The following SPINDOC variants were observed in gnomAD, a reference collection of about 807,000 sequenced individuals.
The protein encoded by SPINDOC is spindlin interactor and repressor of chromatin-binding protein.
In SPINDOC, 13 loss-of-function variants were observed where a neutral mutation model predicts 30.7. The observed-to-expected ratio is 0.42, with a 90% confidence interval of 0.28 to 0.67. SPINDOC has a LOEUF of 0.67. Ranked by LOEUF, SPINDOC falls within the 30% of genes least tolerant of loss-of-function variation. The pLI, the probability that SPINDOC is intolerant of heterozygous loss-of-function variation, is 0.22. For synonymous variants in SPINDOC, 228 were observed against 211.4 expected, an observed-to-expected ratio of 1.08 and a Z score of -0.68; for missense variants, 438 against 518.0, an observed-to-expected ratio of 0.85 and a Z score of 1.50.
At chr11:63,819,090 C>A (rs1485809998) in intron 5 of SPINDOC, 88 bp downstream of exon 5, 5 of 349,750 alleles carry the variant, frequency 1.4e-5, no homozygotes, top group Non-Finnish European at 2.7e-5. Context: ...TATGGCAGAG[C>A]CCACAGTAGG....
chr11:63,815,510 C>G (rs2015315110), intron 1 of SPINDOC, among the ~76,000 whole-genome samples: 1 of 152,178 alleles, frequency 6.6e-6, no homozygotes, highest in African/African-American at 2.4e-5. Context: ...GTCAACTAAG[C>G]AGTCAGATAC....
intron 1 of SPINDOC, among the ~76,000 whole-genome samples, chr11:63,816,723 C>T (rs2015350049): frequency 6.6e-6 from 1 of 152,170 alleles, no homozygotes; most frequent in Non-Finnish European, 1.5e-5. Flanking sequence ...CTAAGGCTGC[C>T]TTCTTTGCTG....
chr11:63,819,688 G>C (rs1407724563), intron 5 of SPINDOC, among the ~76,000 whole-genome samples: 2 of 152,078 alleles, frequency 1.3e-5, no homozygotes, highest in East Asian at 1.9e-4. Context: ...GTAGAGACAG[G>C]GTTTCGCCAT....
rs1371917410 is a variant in SPINDOC, at chr11:63,813,605, A to T, written c.-82A>T. On this transcript the variant is annotated 5_prime_UTR_variant, in exon 1 of 6. Coordinates refer to ENST00000294244, the MANE Select transcript of SPINDOC (RefSeq NM_138471.3). ...CGGCGGGCCCGGCGCTATTCCGGCC[A>T]GGAGGCGGGAGGCGGTTGCCGGCTG... The T allele has an allele frequency of 1.5e-6, 2 of 1,325,208 alleles. No homozygotes were observed. Among genetic ancestry groups the T allele is most frequent in the African/African-American group, 1.6e-5 (1 of 64,290 alleles). 82.1% of individuals were successfully genotyped at this position (1,325,208 alleles called of 1,614,324 possible).
rs1350701579 is a variant in SPINDOC at position 63,818,548 on chromosome 11, G to C, written c.629G>C (p.Gly210Ala). Reference protein sequence around the residue: ...ELPAVPATEPGNKKPRGQRWK... With the variant: ...ELPAVPATEPANKKPRGQRWK... Reference sequence around the variant, plus strand: ...GCAGCTGTCCCTGCCACAGAGCCAGGAAATAAGAAGCCCCGTGGTCAGAGA... The same window carrying C: ...GCAGCTGTCCCTGCCACAGAGCCAGCAAATAAGAAGCCCCGTGGTCAGAGA... Residue 210 changes from glycine (G) to alanine (A), a missense_variant, in exon 4 of 6, where the codon GGA becomes GCA. By Grantham distance (60) the Gly-to-Ala change is moderately conservative. This residue lies in a region of SPINDOC where 300 missense variants were observed against 332.8 expected (regional missense o/e 0.90). Transcript: ENST00000294244. The surrounding 1 kb of genome is among the most constrained non-coding windows in gnomAD (Gnocchi z 5.3). 1.9e-6 allele frequency: 3 copies of C among 1,612,978 alleles called. No homozygotes were observed. In the East Asian group the frequency reaches 6.7e-5, roughly 36 times the overall value.
At chr11:63,825,425 A>G (rs2015631642) in intron 5 of SPINDOC, among the ~76,000 whole-genome samples, 1 of 152,068 alleles carries the variant, frequency 6.6e-6, no homozygotes, top group Non-Finnish European at 1.5e-5. Flanking sequence ...GCTTTCTGCT[A>G]TCCTATTATC....
intron 5 of SPINDOC, among the ~76,000 whole-genome samples, chr11:63,823,910 T>G (rs1317797426): frequency 1.4e-5 from 2 of 146,786 alleles, no homozygotes; most frequent in Admixed American, 1.3e-4. Context: ...TTTTTCTTTT[T>G]CTTTTTTTTT....
At chr11:63,820,564 C>T (rs1365759277) in intron 5 of SPINDOC, among the ~76,000 whole-genome samples, 1 of 152,030 alleles carries the variant, frequency 6.6e-6, no homozygotes, top group Non-Finnish European at 1.5e-5. Context: ...CTATTTGCTG[C>T]TGTAACAAAT....
intron 5 of SPINDOC, among the ~76,000 whole-genome samples, chr11:63,824,778 A>T (rs942745814): frequency 1.7e-4 from 25 of 147,206 alleles, no homozygotes; most frequent in African/African-American, 5.4e-4. Flanking sequence ...AAAAAAAAAA[A>T]TCTCAAACTC....
rs1331514691 is a variant in SPINDOC at position 63,827,598 on chromosome 11, C to T, written c.*459C>T. On this transcript the variant is annotated 3_prime_UTR_variant, in exon 6 of 6. Coordinates refer to ENST00000294244, the MANE Select transcript of SPINDOC (RefSeq NM_138471.3). The stretch of plus-strand genomic sequence containing the variant: ...AGGCCTCCATTACCTCTTCCTGTCC[C>T]ACCCCTGCAGAGGCCTGAAGCTGGG... 4.8e-6 allele frequency: 1 copy of T among 207,262 alleles called. No homozygotes were observed. The highest frequency in any genetic ancestry group is 1.0e-5 in the Non-Finnish European group (1 of 100,396). 12.8% of individuals were successfully genotyped at this position (207,262 alleles called of 1,614,324 possible).
At chr11:63,815,410 G>A (rs2015312317) in intron 1 of SPINDOC, among the ~76,000 whole-genome samples, 1 of 152,256 alleles carries the variant, frequency 6.6e-6, no homozygotes, top group Admixed American at 6.5e-5. Context: ...CCGAGATGGG[G>A]AAGGCTGCGG....
intron 1 of SPINDOC, 149 bp from the exon 2 acceptor site, chr11:63,817,656 T>C: frequency 1.4e-6 from 1 of 721,578 alleles, no homozygotes; most frequent in Non-Finnish European, 2.3e-6. Context: ...GGCGTGTGCC[T>C]CATGGGCTCC....
chr11:63,822,826 G>A (rs548945765), intron 5 of SPINDOC: 181 of 1,289,134 alleles, frequency 1.4e-4, no homozygotes, highest in East Asian at 5.0e-4. Flanking sequence ...TACCCTGTGC[G>A]CAAACTCCAT....
intron 5 of SPINDOC, among the ~76,000 whole-genome samples, chr11:63,820,169 G>C (rs544696163): frequency 9.9e-5 from 15 of 151,876 alleles, no homozygotes; most frequent in Admixed American, 3.3e-4. Flanking sequence ...AGGCTGAGGC[G>C]GGCAGATCAC....
At chr11:63,816,929 A>G (rs192144216) in intron 1 of SPINDOC, among the ~76,000 whole-genome samples, 2 of 152,328 alleles carry the variant, frequency 1.3e-5, no homozygotes, top group African/African-American at 4.8e-5. Flanking sequence ...GCACTTTGGG[A>G]GGCTGAAGCA....
chr11:63,826,715 CTG>C (rs2015662595), intron 5 of SPINDOC, among the ~76,000 whole-genome samples: 1 of 152,190 alleles, frequency 6.6e-6, no homozygotes, highest in African/African-American at 2.4e-5. Flanking sequence ...CCTAGGGAGG[CTG>C]TGCGCCTCAT....
intron 5 of SPINDOC, among the ~76,000 whole-genome samples, chr11:63,820,275 G>C (rs1170559577): frequency 1.3e-5 from 2 of 150,236 alleles, no homozygotes; most frequent in Non-Finnish European, 2.9e-5. Flanking sequence ...GCAGGCGCCT[G>C]TAATCCCAGC....
intron 1 of SPINDOC, among the ~76,000 whole-genome samples, chr11:63,814,090 G>T (rs1311086757): frequency 4.6e-5 from 7 of 152,216 alleles, no homozygotes. Flanking sequence ...ATCTTCCGGT[G>T]CCCAAGCGCC....
chr11:63,815,928 C>T (rs2015327820), intron 1 of SPINDOC, among the ~76,000 whole-genome samples: 1 of 152,182 alleles, frequency 6.6e-6, no homozygotes, highest in Admixed American at 6.5e-5. Flanking sequence ...CCACCACGCC[C>T]AGCTAATTTT....
Sources: allele counts gnomAD v4.1 joint callset (sites outside exome capture counted in the v4.1 genomes callset), GRCh38; gene constraint gnomAD v4.1.1; regional missense constraint gnomAD v4.1.1; non-coding constraint Gnocchi (gnomAD v3.1); transcripts MANE v1.5; gene names NCBI Gene and HGNC (gene_info 2026-07-23, HGNC 2026-07-21).